DOCK1: variants seen among roughly 807,000 people sequenced by gnomAD.
DOCK1 encodes dedicator of cytokinesis 1.
In DOCK1, 138 loss-of-function variants were observed where a neutral mutation model predicts 262.7. The observed-to-expected ratio is 0.53, with a 90% CI of 0.46 to 0.61. The LOEUF (loss-of-function observed/expected upper bound fraction) is 0.61, where lower values mean the gene tolerates loss of function less well. Ranked by LOEUF, DOCK1 falls within the 20% of genes least tolerant of loss-of-function variation. The pLI is 0.00. For synonymous variants in DOCK1, 866 were observed against 867.4 expected (o/e 1.00, Z 0.03); for missense variants, 1,908 against 2,370.7 (o/e 0.80, Z 4.05).
chr10:127,318,456 C>T (rs528249998), intron 29 of DOCK1, among the ~76,000 whole-genome samples: 2 of 152,284 alleles, frequency 1.3e-5, no homozygotes, highest in South Asian at 4.1e-4. Context: ...AAGGACTTAA[C>T]CATGTGTGCA....
intron 6 of DOCK1, among the ~76,000 whole-genome samples, chr10:126,992,779 C>CAG (rs1565039824): frequency 2.0e-4 from 27 of 135,392 alleles, no homozygotes; most frequent in African/African-American, 6.7e-4. Flanking sequence ...GACACAGACA[C>CAG]ACACACACAG....
intron 29 of DOCK1, among the ~76,000 whole-genome samples, chr10:127,302,890 G>GTGC (rs1408745480): frequency 2.1e-4 from 32 of 152,180 alleles, no homozygotes; most frequent in Middle Eastern, 3.4e-3. Context: ...GAAAATGCAG[G>GTGC]TGCATGGTCA....
At chr10:126,957,918 A>G (rs902577610) in intron 1 of DOCK1, among the ~76,000 whole-genome samples, 3 of 152,344 alleles carry the variant, frequency 2.0e-5, no homozygotes, top group African/African-American at 7.2e-5. Context: ...TACTGATACA[A>G]CACCATTCAT....
chr10:127,191,199 T>C (rs2056734050), intron 27 of DOCK1, among the ~76,000 whole-genome samples: 1 of 152,140 alleles, frequency 6.6e-6, no homozygotes, highest in South Asian at 2.1e-4. Context: ...GGCATCACTC[T>C]CTGCCTGTAA....
intron 23 of DOCK1, among the ~76,000 whole-genome samples, chr10:127,090,489 A>G (rs1443117641): frequency 1.3e-5 from 2 of 150,942 alleles, no homozygotes; most frequent in Admixed American, 6.6e-5. Context: ...TTAATAATTT[A>G]TTTCTTAATT....
chr10:127,362,944 CACAT>C, intron 33 of DOCK1, among the ~76,000 whole-genome samples: 2 of 144,514 alleles, frequency 1.4e-5, no homozygotes, highest in African/African-American at 2.7e-5. Context: ...TCCCCCCACA[CACAT>C]ACACATGTGC....
At chr10:127,104,424 AAGTTG>A in intron 23 of DOCK1, among the ~76,000 whole-genome samples, 1 of 152,282 alleles carries the variant, frequency 6.6e-6, no homozygotes, top group South Asian at 2.1e-4. Context: ...GATCTATTTA[AAGTTG>A]AGTTTTGTAC....
chr10:126,986,935 A>C (rs900819761), intron 4 of DOCK1, among the ~76,000 whole-genome samples: 1 of 152,174 alleles, frequency 6.6e-6, no homozygotes, highest in African/African-American at 2.4e-5. Context: ...GTCAAAGGTT[A>C]AACTTTTGGG....
chr10:127,024,659 T>G, intron 14 of DOCK1, 26 bp from the exon 15 acceptor site: 25 of 1,589,140 alleles, frequency 1.6e-5, no homozygotes, highest in Non-Finnish European at 1.8e-5. Context: ...AGGTCTTACG[T>G]GAGCTCTTTA....
intron 48 of DOCK1, among the ~76,000 whole-genome samples, chr10:127,433,841 T>C (rs946634323): frequency 2.6e-5 from 4 of 152,096 alleles, no homozygotes; most frequent in African/African-American, 4.8e-5. Flanking sequence ...TTCTTCTTTT[T>C]TTTTTTTTAA....
chr10:127,160,263 T>C (rs191254677), intron 27 of DOCK1, among the ~76,000 whole-genome samples: 1 of 152,284 alleles, frequency 6.6e-6, no homozygotes, highest in Non-Finnish European at 1.5e-5. Flanking sequence ...GTAATTACAG[T>C]ACTAGTATTG....
intron 23 of DOCK1, among the ~76,000 whole-genome samples, chr10:127,077,413 GTTC>G (rs778810908): frequency 1.3e-5 from 2 of 152,094 alleles, no homozygotes; most frequent in Non-Finnish European, 2.9e-5. Context: ...AATAAAAAAA[GTTC>G]TTACCAAGAA....
At chr10:127,445,997 TC>T (rs2070519305) in intron 50 of DOCK1, among the ~76,000 whole-genome samples, 1 of 152,206 alleles carries the variant, frequency 6.6e-6, no homozygotes. Context: ...ACGCCTGTCA[TC>T]CCAGCACTTT....
chr10:127,420,896 AGTTTATTTGTTTGTTTGTTT>A (rs1441742655), intron 46 of DOCK1, among the ~76,000 whole-genome samples: 103 of 117,314 alleles, frequency 8.8e-4, no homozygotes, highest in Non-Finnish European at 1.3e-3. Flanking sequence ...CACCGTGAGC[AGTTTATTTGTTTGTTTGTTT>A]GTTTGTTTGT....
chr10:126,965,728 A>G (rs1294050603), intron 1 of DOCK1, among the ~76,000 whole-genome samples: 3 of 152,096 alleles, frequency 2.0e-5, no homozygotes, highest in Non-Finnish European at 4.4e-5. Context: ...AATGGGTGTT[A>G]CATTTCATTA....
In DOCK1 at chr10:127,305,992, G is replaced by A. The variant is rs146782070; in HGVS notation, c.3045-33014G>A. 3.6e-3 allele frequency among the ~76,000 whole-genome samples: 542 copies of A among 149,358 alleles called. 3 individuals carry two copies. Among genetic ancestry groups the A allele is most frequent in the South Asian group, 0.015 (72 of 4,680 alleles). ...GGTTTTATATGGTTAGCTCAAGTAC[G>A]TTTTATGCATTTTTTTTCCTGGTTT... On this transcript the variant is annotated intron_variant, in intron 29 of 51. Transcript: ENST00000623213.
chr10:127,377,603 A>T (rs2065573489), intron 35 of DOCK1, among the ~76,000 whole-genome samples: 1 of 152,104 alleles, frequency 6.6e-6, no homozygotes, highest in Non-Finnish European at 1.5e-5. Context: ...TGCCCTTAAA[A>T]AAACAAAAAT....
chr10:127,280,034 A>ATATATATATATAT (rs1554939125), intron 29 of DOCK1, among the ~76,000 whole-genome samples: 90 of 91,322 alleles, frequency 9.9e-4, no homozygotes, highest in African/African-American at 1.6e-3. Context: ...ATATATATAT[A>ATATATATATATAT]ATTTTTTTTT....
rs7908855 is a variant in DOCK1 at position 127,229,869 on chromosome 10, G to A, written c.2848-18139G>A. Among the ~76,000 whole-genome samples the A allele has an allele frequency of 6.1e-3, 923 of 152,200 alleles. 15 individuals carry two copies. The highest frequency in any genetic ancestry group is 0.021 in the African/African-American group (878 of 41,522). ...CCATCCACAGCACACAGGGGCTCCC[G>A]TTTCTCCACATCCTAACACTTGTTC... On this transcript the variant is annotated intron_variant, in intron 27 of 51. Coordinates refer to ENST00000623213, the MANE Select transcript of DOCK1 (RefSeq NM_001290223.2).
Sources: allele counts gnomAD v4.1 joint callset (sites outside exome capture counted in the v4.1 genomes callset), GRCh38; gene constraint gnomAD v4.1.1; transcripts MANE v1.5; gene names NCBI Gene and HGNC (gene_info 2026-07-23, HGNC 2026-07-21).